Variants in SGCZ observed in about 807,000 individuals in gnomAD.
The protein encoded by SGCZ is sarcoglycan zeta.
Under a neutral mutation model 41.3 loss-of-function variants are expected in SGCZ, and 40 were observed. The observed-to-expected ratio is 0.97, with a 90% CI of 0.75 to 1.26. The LOEUF (loss-of-function observed/expected upper bound fraction) is 1.26, where lower values mean the gene tolerates loss of function less well. Ranked by LOEUF, SGCZ falls within the 50% of genes most tolerant of loss-of-function variation. SGCZ has a pLI of 0.00. For synonymous variants in SGCZ, 206 were observed against 137.5 expected, an observed-to-expected ratio of 1.50 and a Z score of -3.49; for missense variants, 552 against 369.8, an observed-to-expected ratio of 1.49 and a Z score of -4.04.
intron 2 of SGCZ, among the ~76,000 whole-genome samples, chr8:14,536,216 G>T (rs746288077): frequency 2.8e-4 from 43 of 151,810 alleles, no homozygotes; most frequent in Non-Finnish European, 5.3e-4. Context: ...TCCAGACAAG[G>T]ATGCTGTGTC....
chr8:15,040,227 C>G (rs1804039852), intron 1 of SGCZ, among the ~76,000 whole-genome samples: 1 of 152,184 alleles, frequency 6.6e-6, no homozygotes, highest in Non-Finnish European at 1.5e-5. Flanking sequence ...ATTATGCTAT[C>G]TTTCCTTACT....
At chr8:15,054,961 C>CAAA in intron 1 of SGCZ, among the ~76,000 whole-genome samples, 1 of 142,516 alleles carries the variant, frequency 7.0e-6, no homozygotes. Flanking sequence ...GACTCCATCT[C>CAAA]AAAAAAAAAA....
At chr8:14,566,291 G>C (rs1439018919) in intron 1 of SGCZ, among the ~76,000 whole-genome samples, 1 of 152,154 alleles carries the variant, frequency 6.6e-6, no homozygotes, top group Non-Finnish European at 1.5e-5. Flanking sequence ...GATATAACAA[G>C]GTAGAGGCAG....
At chr8:14,242,234 T>C (rs904723161) in intron 3 of SGCZ, among the ~76,000 whole-genome samples, 5 of 152,222 alleles carry the variant, frequency 3.3e-5, no homozygotes, top group African/African-American at 1.2e-4. Flanking sequence ...CTCTCCAGTT[T>C]AACTATTACA....
intron 1 of SGCZ, among the ~76,000 whole-genome samples, chr8:15,231,610 C>CTTTTTTTT (rs914572473): frequency 4.2e-5 from 3 of 72,114 alleles, no homozygotes; most frequent in Non-Finnish European, 8.4e-5. Context: ...TTAATATATT[C>CTTTTTTTT]TTTTTTTTTT....
intron 2 of SGCZ, among the ~76,000 whole-genome samples, chr8:14,379,984 C>A (rs1253924333): frequency 6.6e-6 from 1 of 152,142 alleles, no homozygotes; most frequent in Non-Finnish European, 1.5e-5. Context: ...CCACCCACCT[C>A]GGCCTCCGAA....
At chr8:15,188,439 G>A (rs981821885) in intron 1 of SGCZ, among the ~76,000 whole-genome samples, 1 of 152,128 alleles carries the variant, frequency 6.6e-6, no homozygotes, top group African/African-American at 2.4e-5. Flanking sequence ...GCAGATGCTA[G>A]TGTAAGAAAT....
rs1184442034 is a variant in SGCZ at position 14,669,907 on chromosome 8, C to T, written c.40-114981G>A. 2.0e-5 allele frequency among the ~76,000 whole-genome samples: 3 copies of T among 152,166 alleles called. No individual in the cohort carries two copies. The East Asian group carries it at 5.8e-4, about 29-fold the overall frequency. On this transcript the variant is annotated intron_variant, in intron 1 of 7. Transcript: ENST00000382080. ...ATTTTCATAGTTCCATTTTAGTCCA[C>T]ATAGGAATTAAACTAACACTAAATA...
chr8:15,202,046 T>A (rs1800907985), intron 1 of SGCZ, among the ~76,000 whole-genome samples: 1 of 152,196 alleles, frequency 6.6e-6, no homozygotes, highest in African/African-American at 2.4e-5. Context: ...CCACTCCTGA[T>A]TCTATTGTTG....
chr8:14,773,628 C>T (rs541521739), intron 1 of SGCZ, among the ~76,000 whole-genome samples: 1 of 152,200 alleles, frequency 6.6e-6, no homozygotes, highest in East Asian at 1.9e-4. Context: ...AATCAAATTA[C>T]TTCTCCTCTT....
rs529029589 is a variant in SGCZ at position 15,195,945 on chromosome 8, T to C, written c.39+41640A>G. ...CGGAGTCTCGCTCTGTCGCCCAGGC[T>C]GGAGTGCAGTGGCGCGATCTTGGCT... On this transcript the variant is annotated intron_variant, in intron 1 of 7. Transcript: ENST00000382080. Among the ~76,000 whole-genome samples, 56 of 130,758 alleles carry C rather than the reference T, an allele frequency of 4.3e-4. 3 individuals carry two copies. The highest frequency in any genetic ancestry group is 1.6e-3 in the African/African-American group (56 of 34,302). 85.8% of individuals were successfully genotyped at this position (130,758 alleles called of 152,430 possible). A position where few individuals can be genotyped will look rare whatever the true frequency, so the allele number is the denominator to read the frequency against.
intron 1 of SGCZ, among the ~76,000 whole-genome samples, chr8:14,755,275 G>A (rs1799624373): frequency 6.6e-6 from 1 of 151,886 alleles, no homozygotes; most frequent in Non-Finnish European, 1.5e-5. Context: ...TGCGGCTGTA[G>A]TTTTGTTGAT....
At chr8:14,150,136 C>T (rs1167371414) in intron 5 of SGCZ, among the ~76,000 whole-genome samples, 1 of 152,084 alleles carries the variant, frequency 6.6e-6, no homozygotes, top group East Asian at 1.9e-4. Context: ...TTGAGCAATA[C>T]CTGACAAGCA....
chr8:15,069,535 C>A (rs1805275737), intron 1 of SGCZ, among the ~76,000 whole-genome samples: 1 of 152,174 alleles, frequency 6.6e-6, no homozygotes, highest in Admixed American at 6.5e-5. Context: ...CAGCAGTATA[C>A]TGGCCCAATA....
chr8:15,062,488 G>T (rs1158264315), intron 1 of SGCZ, among the ~76,000 whole-genome samples: 3 of 152,236 alleles, frequency 2.0e-5, no homozygotes, highest in African/African-American at 7.2e-5. Flanking sequence ...TTTAGGACTT[G>T]AAACTACTAC....
chr8:14,757,627 G>T (rs1006954837), intron 1 of SGCZ, among the ~76,000 whole-genome samples: 1 of 152,122 alleles, frequency 6.6e-6, no homozygotes, highest in East Asian at 1.9e-4. Context: ...TCTGAGTACC[G>T]GGTAGCATGA....
At chr8:14,912,629 G>C (rs1317908107) in intron 1 of SGCZ, among the ~76,000 whole-genome samples, 1 of 151,930 alleles carries the variant, frequency 6.6e-6, no homozygotes, top group Non-Finnish European at 1.5e-5. Context: ...TGAGTGTCAG[G>C]AATAGAACAG....
At chr8:14,209,188 C>G (rs1054039466) in intron 4 of SGCZ, among the ~76,000 whole-genome samples, 2 of 152,184 alleles carry the variant, frequency 1.3e-5, no homozygotes, top group Non-Finnish European at 2.9e-5. Context: ...GTTATGTAAA[C>G]GTCACATGTT....
chr8:14,087,737 G>A lies in SGCZ; in HGVS notation c.*2706C>T, dbSNP rs1440136658. Among the ~76,000 whole-genome samples the A allele has an allele frequency of 1.3e-5, 2 of 149,994 alleles. No individual in the cohort carries two copies. The highest frequency in any genetic ancestry group is 6.6e-5 in the Admixed American group (1 of 15,056). On this transcript the variant is annotated 3_prime_UTR_variant, in exon 8 of 8. Coordinates refer to ENST00000382080, the MANE Select transcript of SGCZ (RefSeq NM_139167.4). ...TTTAAAAAAAAAAAAATGCTTTTTT[G>A]TGTTTGAATGTGGAAAACGAGGACA...
Sources: gnomAD v4.1 joint callset for allele counts (sites outside exome capture counted in the v4.1 genomes callset) on GRCh38, gnomAD v4.1.1 for gene constraint, MANE v1.5 for transcripts, NCBI Gene and HGNC (gene_info 2026-07-23, HGNC 2026-07-21) for gene names.